CORIN: variants seen among roughly 807,000 people sequenced by gnomAD.
The protein encoded by CORIN is atrial natriuretic peptide-converting enzyme.
CORIN carries 117 observed loss-of-function variants against 125.3 expected under a neutral mutation model. The observed-to-expected ratio is 0.93, with a 90% CI of 0.80 to 1.09. The LOEUF is 1.09. Among genes scored for constraint, CORIN ranks in the 50% least tolerant of loss-of-function variants. The pLI is 0.00. For missense variants in CORIN, 1,253 were observed against 1,306.7 expected (o/e 0.96, Z 0.63); for synonymous variants, 450 against 466.4 (o/e 0.96, Z 0.45).
intron 16 of CORIN, 27 bp downstream of exon 16, chr4:47,641,893 A>G (rs374332011): frequency 1.9e-5 from 30 of 1,605,798 alleles, no homozygotes; most frequent in African/African-American, 1.3e-4. Flanking sequence ...TGAGAAATTC[A>G]TCAGTGCTAC....
intron 4 of CORIN, among the ~76,000 whole-genome samples, chr4:47,759,899 G>C (rs771915403): frequency 6.6e-6 from 1 of 152,172 alleles, no homozygotes; most frequent in African/African-American, 2.4e-5. Context: ...CACAACCTCT[G>C]CAATTACTTT....
intron 1 of CORIN, among the ~76,000 whole-genome samples, chr4:47,816,550 C>T (rs1263046944): frequency 1.3e-5 from 2 of 152,180 alleles, no homozygotes; most frequent in Non-Finnish European, 1.5e-5. Context: ...CAGGTGACTT[C>T]AATACCCTAT....
At chr4:47,655,823 A>G (rs986724097) in intron 12 of CORIN, among the ~76,000 whole-genome samples, 1 of 151,462 alleles carries the variant, frequency 6.6e-6, no homozygotes, top group East Asian at 1.9e-4. Flanking sequence ...AATGCTATTT[A>G]AGTAATACTT....
rs370769751 is a variant in CORIN, at chr4:47,807,021, C to T, written c.90G>A (p.Met30Ile). Residue 30 changes from methionine (M) to isoleucine (I), a missense_variant, in exon 2 of 22, where the codon ATG (methionine) becomes ATA (isoleucine). Met to Ile is a conservative substitution (Grantham distance 10). Coordinates refer to ENST00000273857, the MANE Select transcript of CORIN (RefSeq NM_006587.4). ...KPVLRADDNN[M>I]GNGCSQKLAT... ...CCAGCTTCTGAGAGCAGCCATTGCC[C>T]ATGTTATTGTCATCAGCTCTCAAGA... is the stretch of plus-strand genomic sequence containing the variant. The T allele has an allele frequency of 6.8e-6, 11 of 1,613,250 alleles. No homozygotes were observed. The African/African-American group carries it at 1.5e-4, about 22-fold the overall frequency.
At chr4:47,771,217 G>A (rs745396339) in intron 3 of CORIN, among the ~76,000 whole-genome samples, 12 of 152,112 alleles carry the variant, frequency 7.9e-5, no homozygotes, top group East Asian at 1.9e-4. Flanking sequence ...GCTGTACCAG[G>A]AAGTCAACTC....
intron 5 of CORIN, among the ~76,000 whole-genome samples, chr4:47,711,792 C>T (rs1216427744): frequency 1.3e-5 from 2 of 152,168 alleles, no homozygotes; most frequent in Non-Finnish European, 2.9e-5. Context: ...TAAGGTCAAG[C>T]CCCTGGTATG....
intron 5 of CORIN, among the ~76,000 whole-genome samples, chr4:47,723,890 G>A (rs967520804): frequency 5.3e-5 from 8 of 151,486 alleles, no homozygotes; most frequent in Non-Finnish European, 1.2e-4. Flanking sequence ...CACCTACTAG[G>A]GAGGCTGAGG....
intron 16 of CORIN, among the ~76,000 whole-genome samples, chr4:47,628,606 A>T (rs34131087): frequency 6.6e-6 from 1 of 151,728 alleles, no homozygotes; most frequent in South Asian, 2.1e-4. Flanking sequence ...GTACCCTTTG[A>T]CCATCTCCCC....
At chr4:47,818,577 G>T (rs529680546) in intron 1 of CORIN, among the ~76,000 whole-genome samples, 2 of 152,146 alleles carry the variant, frequency 1.3e-5, no homozygotes, top group African/African-American at 4.8e-5. Context: ...ATGCCTAAAA[G>T]ATTGGACAAC....
intron 5 of CORIN, among the ~76,000 whole-genome samples, chr4:47,700,153 T>C (rs1726220683): frequency 6.6e-6 from 1 of 152,256 alleles, no homozygotes; most frequent in African/African-American, 2.4e-5. Flanking sequence ...CTTAAGATTT[T>C]CTGTTCAGTT....
intron 5 of CORIN, among the ~76,000 whole-genome samples, chr4:47,736,902 G>A (rs1040595592): frequency 1.3e-5 from 2 of 152,232 alleles, no homozygotes; most frequent in African/African-American, 2.4e-5. Flanking sequence ...ATACTAAGGG[G>A]CCAGGTGAGC....
intron 21 of CORIN, among the ~76,000 whole-genome samples, chr4:47,599,697 G>A (rs1721375542): frequency 2.0e-5 from 3 of 152,168 alleles, no homozygotes; most frequent in African/African-American, 7.2e-5. Context: ...AGGACATGCT[G>A]GCAATCAAGT....
chr4:47,628,039 G>A (rs992294050), intron 16 of CORIN, among the ~76,000 whole-genome samples: 4 of 152,164 alleles, frequency 2.6e-5, no homozygotes, highest in Admixed American at 2.6e-4. Flanking sequence ...AAGAGGAAAG[G>A]CAATCTAGAT....
intron 14 of CORIN, 101 bp from the exon 15 acceptor site, chr4:47,643,357 A>G (rs1723318748): frequency 9.3e-7 from 1 of 1,073,412 alleles, no homozygotes; most frequent in African/African-American, 1.6e-5. Context: ...CATGGAAAGA[A>G]GAAAATATGT....
At chr4:47,734,867 G>A (rs1037542553) in intron 5 of CORIN, among the ~76,000 whole-genome samples, 2 of 152,172 alleles carry the variant, frequency 1.3e-5, no homozygotes, top group Non-Finnish European at 2.9e-5. Context: ...AACCAAAAAT[G>A]TCTACAGACA....
intron 9 of CORIN, among the ~76,000 whole-genome samples, 178 bp downstream of exon 9, chr4:47,677,760 A>G (rs1406392853): frequency 6.6e-6 from 1 of 152,184 alleles, no homozygotes; most frequent in Admixed American, 6.5e-5. Context: ...TTGCTTGAGA[A>G]TTATGTTTAG....
At chr4:47,622,881 T>TTTTGG (rs963353255) in intron 19 of CORIN, among the ~76,000 whole-genome samples, 5 of 152,070 alleles carry the variant, frequency 3.3e-5, no homozygotes, top group African/African-American at 7.2e-5. Context: ...TTTGTCTGTG[T>TTTTGG]TTTGGTTTGG....
chr4:47,600,419 C>A, intron 20 of CORIN, 72 bp from the exon 21 acceptor site: 1 of 999,508 alleles, frequency 1.0e-6, no homozygotes, highest in Non-Finnish European at 1.4e-6. Context: ...TGAGGCTAGC[C>A]AAATATGAAA....
At chr4:47,681,431 G>C (rs1288553551) in intron 7 of CORIN, 1 of 152,212 alleles carries the variant, frequency 6.6e-6, no homozygotes, top group African/African-American at 2.4e-5. Flanking sequence ...GCTATCTTCA[G>C]AGGAATTCTG....
Sources: gnomAD v4.1 joint callset for allele counts (sites outside exome capture counted in the v4.1 genomes callset) on GRCh38, gnomAD v4.1.1 for gene constraint, MANE v1.5 for transcripts, NCBI Gene and HGNC (gene_info 2026-07-23, HGNC 2026-07-21) for gene names.